The following PDHX variants were observed in gnomAD, a reference collection of about 807,000 sequenced individuals.
PDHX encodes pyruvate dehydrogenase protein X component, mitochondrial.
Under a neutral mutation model 55.3 loss-of-function variants are expected in PDHX, and 33 were observed. The ratio of observed to expected loss-of-function variants is 0.60; its 90% CI spans 0.45 to 0.80. PDHX has a LOEUF of 0.80. PDHX is among the 30% of genes least tolerant of loss of function. The pLI, the probability that PDHX is intolerant of heterozygous loss-of-function variation, is 0.00. For missense variants in PDHX, 622 were observed against 619.9 expected (o/e 1.00, Z -0.04); for synonymous variants, 226 against 219.4 (o/e 1.03, Z -0.27).
chr11:34,966,680 A>T lies in PDHX; in HGVS notation c.682A>T (p.Ile228Phe). Reference sequence around the variant, plus strand: ...TGTCCAGTTGAAACAAACGGGCAAGATTACCGAGTCCAGACCAACTCCAGC... The same window carrying T: ...TGTCCAGTTGAAACAAACGGGCAAGTTTACCGAGTCCAGACCAACTCCAGC... Reference protein sequence around the residue: ...KLVQLKQTGKITESRPTPAPT... With the variant: ...KLVQLKQTGKFTESRPTPAPT... The change falls in exon 6 of 11, where the codon ATT becomes TTT. Residue 228 changes from isoleucine to phenylalanine, a missense_variant. Physicochemically the swap from Ile to Phe is conservative, Grantham distance 21 (BLOSUM62 0). Transcript: ENST00000227868. 8.1e-6 allele frequency: 13 copies of T among 1,614,084 alleles called. No individual in the cohort carries two copies. Among genetic ancestry groups the T allele is most frequent in the African/African-American group, 1.3e-5 (1 of 74,994 alleles).
chr11:34,956,973 C>T (rs2956099), intron 3 of PDHX, among the ~76,000 whole-genome samples: 91,115 of 152,090 alleles, frequency 0.6, 28,834 homozygotes, highest in East Asian at 0.75. Context: ...TTAATCCCTT[C>T]TGAGCTTTTA....
At chr11:34,981,215 T>G (rs1328385468) in intron 8 of PDHX, among the ~76,000 whole-genome samples, 1 of 152,094 alleles carries the variant, frequency 6.6e-6, no homozygotes, top group African/African-American at 2.4e-5. Flanking sequence ...GTGTTCCCAT[T>G]GTTCAATTCC....
intron 2 of PDHX, among the ~76,000 whole-genome samples, chr11:34,947,248 C>T (rs1237293205): frequency 6.6e-6 from 1 of 152,090 alleles, no homozygotes; most frequent in African/African-American, 2.4e-5. Context: ...TTTACATGCT[C>T]AGTAATCTTT....
chr11:34,968,892 C>T (rs1565164290), intron 6 of PDHX, among the ~76,000 whole-genome samples: 2 of 152,150 alleles, frequency 1.3e-5, no homozygotes, highest in Non-Finnish European at 1.5e-5. Context: ...ATATTTATAA[C>T]ATGGCCTGTC....
Position 34,975,921 on chromosome 11 carries a change from A to G in PDHX, c.965-2203A>G, listed in dbSNP as rs149344467. Among the ~76,000 whole-genome samples the G allele has an allele frequency of 2.6e-5, 4 of 152,314 alleles. No homozygotes were observed. The East Asian group carries it at 5.8e-4, about 22-fold the overall frequency. ...AGTTTCAAGATTTCATATAAAGACA[A>G]CTTGAGAGCTTTTAAAAGTTCAAGG... On this transcript the variant is annotated intron_variant, in intron 7 of 10. Coordinates refer to ENST00000227868, the MANE Select transcript of PDHX (RefSeq NM_003477.3).
intron 1 of PDHX, among the ~76,000 whole-genome samples, chr11:34,928,216 G>T (rs574464193): frequency 6.6e-6 from 1 of 152,014 alleles, no homozygotes; most frequent in African/African-American, 2.4e-5. Context: ...AGTATTTGTC[G>T]TAAATTGGAA....
At chr11:34,927,909 T>C (rs1035740003) in intron 1 of PDHX, among the ~76,000 whole-genome samples, 4 of 152,154 alleles carry the variant, frequency 2.6e-5, no homozygotes, top group Non-Finnish European at 5.9e-5. Flanking sequence ...TGTATTATCA[T>C]AATTCAGATA....
At chr11:34,917,317 T>C (rs1486626427) in intron 1 of PDHX, among the ~76,000 whole-genome samples, 2 of 152,212 alleles carry the variant, frequency 1.3e-5, no homozygotes, top group African/African-American at 2.4e-5. Flanking sequence ...CTTAAATTTG[T>C]AAATTCCTAC....
intron 3 of PDHX, 62 bp downstream of exon 3, chr11:34,947,668 T>A: frequency 9.4e-7 from 1 of 1,069,030 alleles, no homozygotes; most frequent in Non-Finnish European, 1.5e-6. Flanking sequence ...AAGTTCATTG[T>A]AGTAAAATTA....
At chr11:34,984,221 A>T (rs72914758) in intron 8 of PDHX, among the ~76,000 whole-genome samples, 31,936 of 152,164 alleles carry the variant, frequency 0.21, 4,456 homozygotes, top group Non-Finnish European at 0.32. Context: ...TCCTCCCCTC[A>T]AGATCATGTT....
chr11:34,921,377 G>A (rs552970716), intron 1 of PDHX, among the ~76,000 whole-genome samples: 4 of 151,936 alleles, frequency 2.6e-5, no homozygotes, highest in Non-Finnish European at 5.9e-5. Context: ...TGCACGATGC[G>A]CTGTCAGTTT....
At chr11:34,979,119 T>G (rs1000685995) in intron 8 of PDHX, among the ~76,000 whole-genome samples, 1 of 152,018 alleles carries the variant, frequency 6.6e-6, no homozygotes, top group Non-Finnish European at 1.5e-5. Flanking sequence ...TGCTGATGGA[T>G]TGGATATGGG....
chr11:34,972,242 T>TC (rs1383251118), intron 7 of PDHX, among the ~76,000 whole-genome samples: 1 of 152,022 alleles, frequency 6.6e-6, no homozygotes, highest in African/African-American at 2.4e-5. Context: ...ATTTTTTTTT[T>TC]CTCTTTGCTT....
chr11:34,973,055 T>C (rs1021436054), intron 7 of PDHX, among the ~76,000 whole-genome samples: 4 of 152,192 alleles, frequency 2.6e-5, no homozygotes, highest in Non-Finnish European at 5.9e-5. Flanking sequence ...CTCATTATAA[T>C]TGTTTATTTG....
At chr11:34,994,412 G>A (rs996124094) in intron 10 of PDHX, among the ~76,000 whole-genome samples, 1 of 152,212 alleles carries the variant, frequency 6.6e-6, no homozygotes, top group Non-Finnish European at 1.5e-5. Flanking sequence ...AAGACTAGAA[G>A]TTGCTCTGGA....
At chr11:34,931,539 T>TTG in intron 2 of PDHX, 55 bp downstream of exon 2, 1 of 913,828 alleles carries the variant, frequency 1.1e-6, no homozygotes, top group Non-Finnish European at 1.7e-6. Context: ...TTATTTTGTT[T>TTG]TGTTTTTTTT....
At chr11:34,972,451 G>A (rs1855277396) in intron 7 of PDHX, among the ~76,000 whole-genome samples, 1 of 150,752 alleles carries the variant, frequency 6.6e-6, no homozygotes. Flanking sequence ...AGGCTGGAGT[G>A]CAGTGGTGCG....
At position 34,966,675 on chromosome 11, in the gene PDHX, G is replaced by T. The variant is rs781092468; in HGVS notation, c.677G>T (p.Gly226Val). The T allele has an allele frequency of 6.2e-7, 1 of 1,613,870 alleles. No individual in the cohort carries two copies. Among genetic ancestry groups the T allele is most frequent in the Non-Finnish European group, 8.5e-7 (1 of 1,179,966 alleles). ...AAACTTGTCCAGTTGAAACAAACGG[G>T]CAAGATTACCGAGTCCAGACCAACT... Reference protein sequence around the residue: ...ALKLVQLKQTGKITESRPTPA... With the variant: ...ALKLVQLKQTVKITESRPTPA... Residue 226 changes from glycine (G) to valine (V), a missense_variant, in exon 6 of 11, where the codon GGC becomes GTC. Coordinates refer to ENST00000227868, the MANE Select transcript of PDHX (RefSeq NM_003477.3).
rs752227276 is a variant in PDHX at position 34,966,812 on chromosome 11, G to T, written c.814G>T (p.Val272Leu). 3.7e-5 allele frequency: 59 copies of T among 1,612,004 alleles called. No individual in the cohort carries two copies. Among genetic ancestry groups the T allele is most frequent in the Non-Finnish European group, 4.8e-5 (57 of 1,178,298 alleles). ...ATCAACTCCTGGACAACCCAATGCA[G>T]TGGTAGTGTTCTCTAAGTGGATTTT... ...PVSTPGQPNA[V>L]GTFTEIPASN... The change falls in exon 6 of 11, where the codon GTG becomes TTG. Residue 272 changes from valine to leucine, a missense_variant and splice_region_variant. Coordinates refer to ENST00000227868, the MANE Select transcript of PDHX (RefSeq NM_003477.3).
Sources: allele counts gnomAD v4.1 joint callset (sites outside exome capture counted in the v4.1 genomes callset), GRCh38; gene constraint gnomAD v4.1.1; transcripts MANE v1.5; gene names NCBI Gene and HGNC (gene_info 2026-07-23, HGNC 2026-07-21).